The following SH3PXD2A variants were observed in gnomAD, a reference collection of about 807,000 sequenced individuals.
SH3PXD2A encodes the protein SH3 and PX domains 2A, also known as SH3 and PX domain-containing protein 2A.
A neutral mutation model predicts 115.2 loss-of-function variants in SH3PXD2A; 32 were observed. That is an observed-to-expected ratio of 0.28 (90% CI 0.21 to 0.37). The LOEUF (loss-of-function observed/expected upper bound fraction) is 0.37, where lower values mean the gene tolerates loss of function less well. SH3PXD2A is among the 10% of genes least tolerant of loss of function. SH3PXD2A has a pLI of 1.00. For missense variants in SH3PXD2A, 1,328 were observed against 1,498.7 expected, an observed-to-expected ratio of 0.89 and a Z score of 1.88; for synonymous variants, 610 against 629.1, an observed-to-expected ratio of 0.97 and a Z score of 0.45.
Position 103,806,391 on chromosome 10 carries a change from C to A in SH3PXD2A, c.73-5029G>T, listed in dbSNP as rs143126724. On this transcript the variant is annotated intron_variant, in intron 1 of 14. Transcript: ENST00000369774. ...TGGACACACAAAATTCCACCCCAGCCCATGCCTAGCTCCCAACCTCAACAC... is the reference window on the plus strand; with the variant it reads ...TGGACACACAAAATTCCACCCCAGCACATGCCTAGCTCCCAACCTCAACAC... Among the ~76,000 whole-genome samples the A allele has an allele frequency of 3.6e-3, 548 of 152,114 alleles. 3 individuals are homozygous for A. Among genetic ancestry groups the A allele is most frequent in the African/African-American group, 0.012 (484 of 41,490 alleles).
intron 2 of SH3PXD2A, among the ~76,000 whole-genome samples, chr10:103,800,970 C>T (rs1002704470): frequency 3.9e-5 from 6 of 152,228 alleles, no homozygotes; most frequent in Non-Finnish European, 4.4e-5. Flanking sequence ...CACGTCTGGT[C>T]AGGCACACAG....
intron 8 of SH3PXD2A, among the ~76,000 whole-genome samples, chr10:103,645,703 A>ATG (rs1393448224): frequency 6.6e-5 from 10 of 152,268 alleles, no homozygotes; most frequent in Non-Finnish European, 1.5e-4. Context: ...AGGCAGCCCC[A>ATG]CAGGTTGTTT....
At chr10:103,657,249 C>G (rs1025128221) in intron 8 of SH3PXD2A, among the ~76,000 whole-genome samples, 1 of 147,610 alleles carries the variant, frequency 6.8e-6, no homozygotes, top group African/African-American at 2.5e-5. Flanking sequence ...CTCATCTCCC[C>G]ACTTCTTCCC....
At chr10:103,604,291 C>T (rs1592256681) in intron 14 of SH3PXD2A, among the ~76,000 whole-genome samples, 1 of 152,224 alleles carries the variant, frequency 6.6e-6, no homozygotes, top group Non-Finnish European at 1.5e-5. Flanking sequence ...AGGCCAGAGC[C>T]TCTCTGCAGA....
chr10:103,725,444 G>C (rs1044374841), intron 4 of SH3PXD2A, among the ~76,000 whole-genome samples: 1 of 152,144 alleles, frequency 6.6e-6, no homozygotes, highest in African/African-American at 2.4e-5. Context: ...GGAAACAGTA[G>C]TCATGGCAAG....
intron 6 of SH3PXD2A, among the ~76,000 whole-genome samples, chr10:103,678,432 G>A (rs1249613263): frequency 6.6e-6 from 1 of 152,240 alleles, no homozygotes; most frequent in African/African-American, 2.4e-5. Context: ...GGAGTGTGCG[G>A]CTCTCTGGGG....
intron 1 of SH3PXD2A, among the ~76,000 whole-genome samples, chr10:103,814,381 G>C (rs1405959812): frequency 6.6e-6 from 1 of 152,136 alleles, no homozygotes; most frequent in Non-Finnish European, 1.5e-5. Flanking sequence ...AGAGACATAC[G>C]ATAGCTGGTT....
chr10:103,618,246 T>G (rs6584562), intron 10 of SH3PXD2A, among the ~76,000 whole-genome samples: 1 of 152,236 alleles, frequency 6.6e-6, no homozygotes, highest in African/African-American at 2.4e-5. Flanking sequence ...CCTGGTTTCT[T>G]TCAGCCTCTC....
At chr10:103,661,307 C>G (rs1394710179) in intron 7 of SH3PXD2A, among the ~76,000 whole-genome samples, 193 bp from the exon 8 acceptor site, 1 of 152,244 alleles carries the variant, frequency 6.6e-6, no homozygotes, top group Non-Finnish European at 1.5e-5. Context: ...CAGACCGGCC[C>G]GCTGCACCGC....
intron 1 of SH3PXD2A, among the ~76,000 whole-genome samples, chr10:103,807,356 C>T (rs1048605332): frequency 2.0e-5 from 3 of 152,190 alleles, no homozygotes; most frequent in African/African-American, 7.2e-5. Flanking sequence ...GAGGAAATTG[C>T]ATATCTCCAT....
At chr10:103,714,437 A>G (rs1463369524) in intron 5 of SH3PXD2A, among the ~76,000 whole-genome samples, 1 of 152,168 alleles carries the variant, frequency 6.6e-6, no homozygotes, top group African/African-American at 2.4e-5. Flanking sequence ...CTCCCTGGAC[A>G]TGGGCCTCCC....
intron 13 of SH3PXD2A, among the ~76,000 whole-genome samples, chr10:103,608,039 A>G (rs1203194608): frequency 6.6e-6 from 1 of 151,314 alleles, no homozygotes; most frequent in Non-Finnish European, 1.5e-5. Flanking sequence ...TCCTCTGCCT[A>G]GAAAAACCAG....
intron 2 of SH3PXD2A, among the ~76,000 whole-genome samples, chr10:103,791,740 G>A (rs573737803): frequency 3.0e-4 from 46 of 152,024 alleles, no homozygotes; most frequent in Non-Finnish European, 6.0e-4. Context: ...AAGCACAGGG[G>A]TCTTCCTAAA....
intron 8 of SH3PXD2A, among the ~76,000 whole-genome samples, chr10:103,642,540 T>C (rs959287418): frequency 6.6e-6 from 1 of 152,204 alleles, no homozygotes; most frequent in African/African-American, 2.4e-5. Context: ...CAGACTAGTG[T>C]GGTGCCTGGT....
At chr10:103,773,652 G>A (rs552739370) in intron 2 of SH3PXD2A, among the ~76,000 whole-genome samples, 1 of 152,088 alleles carries the variant, frequency 6.6e-6, no homozygotes, top group South Asian at 2.1e-4. Flanking sequence ...TGTTGGTCAG[G>A]CTGGTCTTGA....
chr10:103,693,117 G>C (rs778257178), intron 5 of SH3PXD2A, 61 bp from the exon 6 acceptor site: 2 of 1,467,610 alleles, frequency 1.4e-6, no homozygotes, highest in Admixed American at 1.7e-5. Context: ...CGGGGCTGCA[G>C]CTGCAGGGGC....
rs1285724615 is a variant in SH3PXD2A, at chr10:103,600,251, C to A, written c.*1565G>T. The A allele has an allele frequency of 1.3e-5, 2 of 152,680 alleles. No individual in the cohort carries two copies. The highest frequency in any genetic ancestry group is 2.9e-5 in the Non-Finnish European group (2 of 68,080). The allele number at this position is 152,680 out of a possible 1,614,324, so 9.5% of individuals were successfully genotyped here. Reference sequence around the variant, plus strand: ...GAAGCCGGCTGGGCTTCTGGAGGGTCCCCTCTGAAATGTCAACAATTGAAA... The same window carrying A: ...GAAGCCGGCTGGGCTTCTGGAGGGTACCCTCTGAAATGTCAACAATTGAAA... On this transcript the variant is annotated 3_prime_UTR_variant, in exon 15 of 15. Coordinates refer to ENST00000369774, the MANE Select transcript of SH3PXD2A (RefSeq NM_001394015.1).
intron 5 of SH3PXD2A, among the ~76,000 whole-genome samples, chr10:103,696,495 C>G (rs1481448470): frequency 6.6e-6 from 1 of 152,130 alleles, no homozygotes. Flanking sequence ...CAAGAACCCC[C>G]CCTCTTCCCA....
intron 1 of SH3PXD2A, 118 bp from the exon 2 acceptor site, chr10:103,801,480 A>C: frequency 2.6e-5 from 17 of 649,142 alleles, no homozygotes; most frequent in East Asian, 5.7e-5. Flanking sequence ...TACTCATCTC[A>C]TCTGTCCCTA....
Sources: allele counts gnomAD v4.1 joint callset (sites outside exome capture counted in the v4.1 genomes callset), GRCh38; gene constraint gnomAD v4.1.1; transcripts MANE v1.5; gene names NCBI Gene and HGNC (gene_info 2026-07-23, HGNC 2026-07-21).